CCSER1: variants seen among roughly 807,000 people sequenced by gnomAD.
The protein encoded by CCSER1 is coiled-coil serine rich protein 1.
CCSER1 carries 41 observed loss-of-function variants against 82.0 expected under a neutral mutation model. The observed-to-expected ratio is 0.50, with a 90% CI of 0.39 to 0.65. The LOEUF (loss-of-function observed/expected upper bound fraction) is 0.65, where lower values mean the gene tolerates loss of function less well. Ranked by LOEUF, CCSER1 falls within the 30% of genes least tolerant of loss-of-function variation. The probability of loss-of-function intolerance (pLI) is 0.00; values close to 1 mark genes in which losing one functional copy is unlikely to be tolerated. For synonymous variants in CCSER1, 414 were observed against 383.9 expected (o/e 1.08, Z -0.92); for missense variants, 1,119 against 1,064.2 (o/e 1.05, Z -0.72).
At chr4:90,557,930 T>C (rs1778323393) in intron 5 of CCSER1, among the ~76,000 whole-genome samples, 1 of 152,180 alleles carries the variant, frequency 6.6e-6, no homozygotes, top group South Asian at 2.1e-4. Context: ...TTGAAATACT[T>C]TTAGTTTGGT....
At chr4:90,785,838 A>T (rs1224906370) in intron 7 of CCSER1, among the ~76,000 whole-genome samples, 1 of 152,190 alleles carries the variant, frequency 6.6e-6, no homozygotes, top group Admixed American at 6.5e-5. Context: ...CTACTTGTAA[A>T]GTGTTATTAA....
chr4:90,178,979 G>T (rs7680617), intron 1 of CCSER1, among the ~76,000 whole-genome samples: 43,608 of 151,922 alleles, frequency 0.29, 7,973 homozygotes, highest in East Asian at 0.65. Flanking sequence ...AGAAACTTAC[G>T]CATACATATA....
At chr4:91,023,386 A>G (rs1049897741) in intron 9 of CCSER1, among the ~76,000 whole-genome samples, 1 of 152,212 alleles carries the variant, frequency 6.6e-6, no homozygotes, top group African/African-American at 2.4e-5. Context: ...TGGAGACATC[A>G]CGCTACCTGA....
chr4:90,579,573 A>C (rs1330269211), intron 5 of CCSER1, among the ~76,000 whole-genome samples: 1 of 152,126 alleles, frequency 6.6e-6, no homozygotes, highest in Admixed American at 6.6e-5. Context: ...AATTTTTCAG[A>C]AATATTTTCC....
rs76618908 is a variant in CCSER1, at chr4:91,208,458, T to C, written c.2217+122464T>C. Among the ~76,000 whole-genome samples, 516 of 152,074 alleles carry C rather than the reference T, an allele frequency of 3.4e-3. 2 individuals are homozygous for C. Among genetic ancestry groups the C allele is most frequent in the African/African-American group, 0.012 (493 of 41,524 alleles). The stretch of plus-strand genomic sequence containing the variant: ...CTCTTCTACATATGATAGCCAGTTT[T>C]CTGAGCACCACTTATCGAATAGGGA... On this transcript the variant is annotated intron_variant, in intron 10 of 10. Coordinates refer to ENST00000509176, the MANE Select transcript of CCSER1 (RefSeq NM_001145065.2).
intron 10 of CCSER1, among the ~76,000 whole-genome samples, chr4:91,380,155 C>G (rs905059026): frequency 6.6e-6 from 1 of 152,100 alleles, no homozygotes; most frequent in Non-Finnish European, 1.5e-5. Context: ...CTGAGGAGTG[C>G]TTTACTTCCA....
intron 1 of CCSER1, among the ~76,000 whole-genome samples, chr4:90,287,097 A>C (rs2153463623): frequency 1.3e-5 from 2 of 151,982 alleles, no homozygotes; most frequent in South Asian, 4.1e-4. Context: ...CTTTTTTCCA[A>C]GAAGCGATTT....
chr4:90,683,789 TA>T (rs1051182467), intron 6 of CCSER1, among the ~76,000 whole-genome samples: 2 of 151,310 alleles, frequency 1.3e-5, no homozygotes, highest in Non-Finnish European at 1.5e-5. Context: ...TTGCTAAATT[TA>T]AAAAAAAAGA....
intron 1 of CCSER1, among the ~76,000 whole-genome samples, chr4:90,203,683 TG>T (rs1197972629): frequency 1.3e-5 from 2 of 152,346 alleles, no homozygotes; most frequent in East Asian, 3.9e-4. Flanking sequence ...TATAGTAGAA[TG>T]ATTTATAATC....
chr4:90,297,680 T>C (rs953816169), intron 1 of CCSER1, among the ~76,000 whole-genome samples: 1 of 151,836 alleles, frequency 6.6e-6, no homozygotes, highest in African/African-American at 2.4e-5. Flanking sequence ...CAACACCTAA[T>C]TTATTGAGAG....
At chr4:91,496,760 T>TTGA in intron 10 of CCSER1, among the ~76,000 whole-genome samples, 1 of 80,840 alleles carries the variant, frequency 1.2e-5, no homozygotes, top group African/African-American at 4.3e-5. Flanking sequence ...TGAATATATA[T>TTGA]ATATTCAATA....
intron 1 of CCSER1, among the ~76,000 whole-genome samples, chr4:90,203,009 CTG>C (rs1320344190): frequency 6.6e-6 from 1 of 152,048 alleles, no homozygotes; most frequent in Non-Finnish European, 1.5e-5. Flanking sequence ...TGATAGTAAA[CTG>C]TAAAATTTTC....
At chr4:91,520,346 C>A (rs541054480) in intron 10 of CCSER1, among the ~76,000 whole-genome samples, 5 of 150,540 alleles carry the variant, frequency 3.3e-5, no homozygotes, top group Admixed American at 2.7e-4. Flanking sequence ...TGGCCTTGAA[C>A]GTGTAGGCTC....
intron 10 of CCSER1, among the ~76,000 whole-genome samples, chr4:91,359,988 G>T (rs1388338060): frequency 1.3e-5 from 2 of 151,830 alleles, no homozygotes; most frequent in Admixed American, 1.3e-4. Context: ...TCCCTGCAAG[G>T]TTAGGTTTAC....
intron 8 of CCSER1, among the ~76,000 whole-genome samples, chr4:90,923,118 T>C (rs1195082667): frequency 2.0e-5 from 3 of 152,160 alleles, no homozygotes; most frequent in African/African-American, 7.2e-5. Flanking sequence ...ACATTATGAC[T>C]CTACTGTTGA....
chr4:91,439,028 G>T (rs146451209), intron 10 of CCSER1, among the ~76,000 whole-genome samples: 2,413 of 152,314 alleles, frequency 0.016, 25 homozygotes, highest in Middle Eastern at 0.037. Context: ...AAGTGACGGG[G>T]AGAATGGAAC....
intron 5 of CCSER1, among the ~76,000 whole-genome samples, chr4:90,480,893 A>G (rs1273561052): frequency 6.6e-6 from 1 of 152,136 alleles, no homozygotes; most frequent in Non-Finnish European, 1.5e-5. Context: ...ACTTTAAAGT[A>G]GTTTTTTCCA....
chr4:90,917,369 A>G (rs1337709769), intron 8 of CCSER1, among the ~76,000 whole-genome samples: 3 of 152,194 alleles, frequency 2.0e-5, no homozygotes, highest in Non-Finnish European at 4.4e-5. Context: ...TTGTAGGGAC[A>G]TGGATGAAGC....
intron 3 of CCSER1, among the ~76,000 whole-genome samples, chr4:90,325,920 ACT>A (rs1159898033): frequency 6.6e-6 from 1 of 152,050 alleles, no homozygotes; most frequent in Non-Finnish European, 1.5e-5. Context: ...ATATATTCAT[ACT>A]CTTTTTAAGT....
Sources: gnomAD v4.1 joint callset for allele counts (sites outside exome capture counted in the v4.1 genomes callset) on GRCh38, gnomAD v4.1.1 for gene constraint, MANE v1.5 for transcripts, NCBI Gene and HGNC (gene_info 2026-07-23, HGNC 2026-07-21) for gene names.